The following OTOP1 variants were observed in gnomAD, a reference collection of about 807,000 sequenced individuals.
OTOP1 encodes proton channel OTOP1.
A neutral mutation model predicts 52.9 loss-of-function variants in OTOP1; 59 were observed. The ratio of observed to expected loss-of-function variants is 1.12; its 90% confidence interval spans 0.91 to 1.39. The LOEUF (loss-of-function observed/expected upper bound fraction) is 1.39. Among genes scored for constraint, OTOP1 ranks in the 40% most tolerant of loss-of-function variants. The pLI is 0.00. For synonymous variants in OTOP1, 317 were observed against 337.7 expected (o/e 0.94, Z 0.67); for missense variants, 761 against 800.9 (o/e 0.95, Z 0.60).
intron 5 of OTOP1, among the ~76,000 whole-genome samples, chr4:4,192,640 T>A (rs1716537756): frequency 6.6e-6 from 1 of 152,108 alleles, no homozygotes; most frequent in South Asian, 2.1e-4. Context: ...AGGTTGCCCC[T>A]CCTCCAGGGT....
chr4:4,201,944 G>C (rs1716797597), intron 4 of OTOP1, among the ~76,000 whole-genome samples: 1 of 152,104 alleles, frequency 6.6e-6, no homozygotes, highest in Non-Finnish European at 1.5e-5. Context: ...TTTCAAATAG[G>C]AACAAGGTGG....
intron 1 of OTOP1, among the ~76,000 whole-genome samples, chr4:4,219,809 G>T (rs141287214): frequency 5.0e-5 from 7 of 139,918 alleles, no homozygotes; most frequent in South Asian, 2.3e-4. Context: ...ATATATATAC[G>T]TGTATATATG....
At position 4,197,405 on chromosome 4, in the gene OTOP1, A is replaced by C; in HGVS notation, c.1429T>G (p.Ser477Ala). ...CNGNTMPLAS[S>A]CPKSGGVARD... Reference sequence around the variant, plus strand: ...GCCACACCTCCACTCTTGGGGCAGGAAGAAGCAAGGGGCATGGTGTTGCCA... The same window carrying C: ...GCCACACCTCCACTCTTGGGGCAGGCAGAAGCAAGGGGCATGGTGTTGCCA... The change falls in exon 5 of 6, where the codon TCC (serine) becomes GCC (alanine). Residue 477 changes from serine to alanine, a missense_variant. By Grantham distance (99) the Ser-to-Ala change is moderately conservative (BLOSUM62 1). Coordinates refer to ENST00000296358, the MANE Select transcript of OTOP1 (RefSeq NM_177998.3). The C allele has an allele frequency of 6.2e-7, 1 of 1,614,018 alleles. No individual in the cohort carries two copies. The highest frequency in any genetic ancestry group is 1.1e-5 in the South Asian group (1 of 91,076).
chr4:4,221,921 C>G (rs1351923527), intron 1 of OTOP1, among the ~76,000 whole-genome samples: 13 of 152,050 alleles, frequency 8.5e-5, no homozygotes. Context: ...TGGCCTGGTG[C>G]TTACTTTAGA....
intron 1 of OTOP1, among the ~76,000 whole-genome samples, chr4:4,217,444 T>C (rs189314551): frequency 1.3e-5 from 2 of 152,336 alleles, no homozygotes; most frequent in Admixed American, 6.5e-5. Flanking sequence ...AGCTAAGATG[T>C]CGCCCGCGTG....
chr4:4,223,058 C>A (rs1439504023), intron 1 of OTOP1, among the ~76,000 whole-genome samples: 1 of 152,206 alleles, frequency 6.6e-6, no homozygotes, highest in Non-Finnish European at 1.5e-5. Flanking sequence ...AGAGCCAACA[C>A]CATTTCCATG....
At chr4:4,220,096 TATA>T (rs1404223670) in intron 1 of OTOP1, among the ~76,000 whole-genome samples, 1,691 of 105,970 alleles carry the variant, frequency 0.016, 83 homozygotes, top group African/African-American at 0.065. Flanking sequence ...TATATATATA[TATA>T]TATATATTTT....
intron 3 of OTOP1, among the ~76,000 whole-genome samples, chr4:4,204,783 T>C (rs1055360324): frequency 2.0e-5 from 3 of 152,094 alleles, no homozygotes; most frequent in African/African-American, 7.2e-5. Flanking sequence ...TTCTTTTTTT[T>C]CTTTTTGAGA....
rs1362875566 is a variant in OTOP1 at position 4,219,997 on chromosome 4, ATATACATATATATG to A, written c.403+6451_403+6464del. Reference sequence around the variant, plus strand: ...TACACATATATACGTATATAGGTGTATATACATATATATGTATATACATGTATATACGTATATAT... The same window carrying A: ...TACACATATATACGTATATAGGTGTATATATACATGTATATACGTATATAT... On this transcript the variant is annotated intron_variant, in intron 1 of 5. Transcript: ENST00000296358. 7.3e-5 allele frequency among the ~76,000 whole-genome samples: 4 copies of A among 54,534 alleles called. No homozygotes were observed. In the East Asian group the frequency reaches 1.6e-3, roughly 21 times the overall value. The allele number at this position is 54,534 out of a possible 152,430, so 35.8% of individuals were successfully genotyped here.
chr4:4,193,854 A>G (rs1255222373), intron 5 of OTOP1, among the ~76,000 whole-genome samples: 1 of 152,164 alleles, frequency 6.6e-6, no homozygotes, highest in African/African-American at 2.4e-5. Context: ...TCAACCAAAA[A>G]GGCAACCAGG....
intron 3 of OTOP1, among the ~76,000 whole-genome samples, chr4:4,203,192 A>G (rs1221838499): frequency 6.6e-6 from 1 of 152,278 alleles, no homozygotes; most frequent in Non-Finnish European, 1.5e-5. Context: ...AAACAAGAAT[A>G]AGAAAAGTCT....
chr4:4,226,767 G>A lies in OTOP1; in HGVS notation c.98C>T (p.Ser33Phe). The A allele has an allele frequency of 7.2e-7, 1 of 1,381,088 alleles. No individual in the cohort carries two copies. The highest frequency in any genetic ancestry group is 9.3e-7 in the Non-Finnish European group (1 of 1,069,750). The allele number at this position is 1,381,088 out of a possible 1,614,324, so 85.6% of individuals were successfully genotyped here. ...SGPAACSPPS[S>F]SAPRSPESPA... ...GGATTCCGGGGACCTCGGGGCCGAG[G>A]ACGAGGGAGGCGAGCAGGCCGCTGG... Residue 33 changes from serine to phenylalanine, a missense_variant, in exon 1 of 6, where the codon TCC becomes TTC. Ser to Phe is a radical substitution (Grantham distance 155). Coordinates refer to ENST00000296358, the MANE Select transcript of OTOP1 (RefSeq NM_177998.3).
At chr4:4,210,911 C>T (rs1029678441) in intron 2 of OTOP1, among the ~76,000 whole-genome samples, 7 of 152,264 alleles carry the variant, frequency 4.6e-5, no homozygotes, top group African/African-American at 1.4e-4. Flanking sequence ...TTCCTCTAAA[C>T]GACCCCATCT....
At position 4,216,276 on chromosome 4, in the gene OTOP1, G is replaced by C. The variant is rs553792252; in HGVS notation, c.404-3272C>G. On this transcript the variant is annotated intron_variant, in intron 1 of 5. Coordinates refer to ENST00000296358, the MANE Select transcript of OTOP1 (RefSeq NM_177998.3). ...TTTGCATATAAAAAAGACTGGAAAGGAATATACAAAATACATTAAAAAGAC... is the reference window on the plus strand; with the variant it reads ...TTTGCATATAAAAAAGACTGGAAAGCAATATACAAAATACATTAAAAAGAC... Among the ~76,000 whole-genome samples, 140 of 152,214 alleles carry C rather than the reference G, an allele frequency of 9.2e-4. 1 individual carries two copies. Among genetic ancestry groups the C allele is most frequent in the African/African-American group, 3.2e-3 (134 of 41,532 alleles).
Position 4,197,503 on chromosome 4 carries a change from A to C in OTOP1, c.1331T>G (p.Phe444Cys). The change falls in exon 5 of 6, where the codon TTT (phenylalanine) becomes TGT (cysteine). Residue 444 changes from phenylalanine to cysteine, a missense_variant. By Grantham distance (205) the Phe-to-Cys change is radical. Coordinates refer to ENST00000296358, the MANE Select transcript of OTOP1 (RefSeq NM_177998.3). ...TTCAGGCTCTCGGTGAATGGATTCA[A>C]AGATGAAGAGGTTCTGGATGTACTT... ...VEKYIQNLFI[F>C]ESIHREPEKL... The C allele has an allele frequency of 6.2e-7, 1 of 1,613,986 alleles. No homozygotes were observed. Among genetic ancestry groups the C allele is most frequent in the Non-Finnish European group, 8.5e-7 (1 of 1,179,978 alleles).
chr4:4,202,494 C>G lies in OTOP1; in HGVS notation c.684G>C (p.Glu228Asp). ...VLNESKHQLN[E>D]HKERLITLGF... The stretch of plus-strand genomic sequence containing the variant: ...CCAGAGTGATGAGCCGTTCCTTGTG[C>G]TCATTGAGTTGGTGCTTTGACTCAT... The change falls in exon 4 of 6, where the codon GAG becomes GAC. Residue 228 changes from glutamate to aspartate, a missense_variant. By Grantham distance (45) the Glu-to-Asp change is conservative (BLOSUM62 2). This residue lies in a region of OTOP1 where 632 missense variants were observed against 619.5 expected (regional missense o/e 1.02). Coordinates refer to ENST00000296358, the MANE Select transcript of OTOP1 (RefSeq NM_177998.3). The G allele has an allele frequency of 6.2e-7, 1 of 1,614,066 alleles. No homozygotes were observed. Among genetic ancestry groups the G allele is most frequent in the Admixed American group, 1.7e-5 (1 of 60,018 alleles).
At chr4:4,191,454 G>T (rs919160499) in intron 5 of OTOP1, among the ~76,000 whole-genome samples, 1 of 152,112 alleles carries the variant, frequency 6.6e-6, no homozygotes, top group Admixed American at 6.5e-5. Flanking sequence ...GTGATAAAGC[G>T]CTCTGTTAGC....
chr4:4,217,424 C>T (rs529172387), intron 1 of OTOP1, among the ~76,000 whole-genome samples: 8 of 152,320 alleles, frequency 5.3e-5, no homozygotes, highest in South Asian at 4.1e-4. Context: ...ACCTCAAAAA[C>T]CTTACTCCCA....
At chr4:4,211,240 TA>T (rs996647435) in intron 2 of OTOP1, among the ~76,000 whole-genome samples, 47 of 152,340 alleles carry the variant, frequency 3.1e-4, no homozygotes, top group African/African-American at 9.9e-4. Flanking sequence ...GATGAAGTTT[TA>T]AAAATGTCAT....
Sources: allele counts gnomAD v4.1 joint callset (sites outside exome capture counted in the v4.1 genomes callset), GRCh38; gene constraint gnomAD v4.1.1; regional missense constraint gnomAD v4.1.1; transcripts MANE v1.5; gene names NCBI Gene and HGNC (gene_info 2026-07-23, HGNC 2026-07-21).